The following P4HA1 variants were observed in gnomAD, a reference collection of about 807,000 sequenced individuals.
P4HA1 encodes prolyl 4-hydroxylase subunit alpha-1.
In P4HA1, 24 loss-of-function variants were observed where a neutral mutation model predicts 72.8. The ratio of observed to expected loss-of-function variants is 0.33; its 90% confidence interval spans 0.24 to 0.46. The LOEUF (loss-of-function observed/expected upper bound fraction) is 0.46, where lower values mean the gene tolerates loss of function less well. Among genes scored for constraint, P4HA1 ranks in the 20% least tolerant of loss-of-function variants. The probability of loss-of-function intolerance (pLI) is 1.00; values close to 1 mark genes in which losing one functional copy is unlikely to be tolerated. For missense variants in P4HA1, 446 were observed against 640.6 expected, an observed-to-expected ratio of 0.70 and a Z score of 3.28; for synonymous variants, 201 against 218.8, an observed-to-expected ratio of 0.92 and a Z score of 0.72.
chr10:73,080,847 G>A (rs1451681198), intron 1 of P4HA1, among the ~76,000 whole-genome samples: 2 of 152,188 alleles, frequency 1.3e-5, no homozygotes, highest in Non-Finnish European at 2.9e-5. Context: ...AGAATCACTT[G>A]AACCCGGGAG....
At chr10:73,047,187 C>T in intron 7 of P4HA1, 86 bp from the exon 8 acceptor site, 1 of 950,024 alleles carries the variant, frequency 1.1e-6, no homozygotes, top group South Asian at 1.5e-5. Context: ...AGACAATAAT[C>T]ATGCTTGCAT....
chr10:73,044,876 T>A, intron 9 of P4HA1, 105 bp downstream of exon 9: 1 of 829,788 alleles, frequency 1.2e-6, no homozygotes, highest in Admixed American at 2.2e-5. Context: ...GGTGGTGACT[T>A]GAGCTGGTGA....
At position 73,007,669 on chromosome 10, in the gene P4HA1, T is replaced by C. The variant is rs1839822903; in HGVS notation, c.*553A>G. Reference sequence around the variant, plus strand: ...AAGAAAAGAGAGGGGGTTGGTAAAATACAGTATACTTTCTTTAAAAAAGAC... The same window carrying C: ...AAGAAAAGAGAGGGGGTTGGTAAAACACAGTATACTTTCTTTAAAAAAGAC... On this transcript the variant is annotated 3_prime_UTR_variant, in exon 15 of 15. Coordinates refer to ENST00000394890, the MANE Select transcript of P4HA1 (RefSeq NM_001017962.3). The C allele has an allele frequency of 6.6e-6, 1 of 150,758 alleles. No homozygotes were observed. The highest frequency in any genetic ancestry group is 2.4e-5 in the African/African-American group (1 of 41,072). The allele number at this position is 150,758 out of a possible 1,614,324, so 9.3% of individuals were successfully genotyped here. A position where few individuals can be genotyped will look rare whatever the true frequency, so the allele number is the denominator to read the frequency against.
chr10:73,036,872 C>A (rs2133072240), intron 9 of P4HA1, among the ~76,000 whole-genome samples: 1 of 152,180 alleles, frequency 6.6e-6, no homozygotes, highest in South Asian at 2.1e-4. Flanking sequence ...TCAGTGGAGA[C>A]CATTATACTG....
In P4HA1 at chr10:73,053,599, A is replaced by G; in HGVS notation, c.464-9T>C. The G allele has an allele frequency of 1.2e-6, 2 of 1,611,278 alleles. No individual in the cohort carries two copies. Among genetic ancestry groups the G allele is most frequent in the Non-Finnish European group, 1.7e-6 (2 of 1,178,732 alleles). On this transcript the variant is annotated splice_polypyrimidine_tract_variant and intron_variant, in intron 5 of 14. Coordinates refer to ENST00000394890, the MANE Select transcript of P4HA1 (RefSeq NM_001017962.3). Reference sequence around the variant, plus strand: ...AGATTTGTGTTTCACTCCTATGAAAAGAAAATACAGAGAACTTTAGGAATC... The same window carrying G: ...AGATTTGTGTTTCACTCCTATGAAAGGAAAATACAGAGAACTTTAGGAATC...
intron 9 of P4HA1, among the ~76,000 whole-genome samples, chr10:73,035,247 A>C (rs1200249536): frequency 1.3e-5 from 2 of 152,112 alleles, no homozygotes; most frequent in African/African-American, 4.8e-5. Context: ...GAAAAAAAAA[A>C]AAAATCTAAT....
chr10:73,033,690 A>C (rs999354182), intron 9 of P4HA1, among the ~76,000 whole-genome samples: 1 of 152,226 alleles, frequency 6.6e-6, no homozygotes, highest in Non-Finnish European at 1.5e-5. Flanking sequence ...CAAAGAAAGA[A>C]GCTGGACCTC....
intron 1 of P4HA1, among the ~76,000 whole-genome samples, chr10:73,078,692 ACCT>A (rs1841759292): frequency 7.0e-6 from 1 of 142,884 alleles, no homozygotes; most frequent in African/African-American, 2.7e-5. Flanking sequence ...GCTCACTGCA[ACCT>A]CCGCCTCCCG....
chr10:73,085,428 G>C (rs561817130), intron 1 of P4HA1, among the ~76,000 whole-genome samples: 3 of 151,348 alleles, frequency 2.0e-5, no homozygotes, highest in African/African-American at 7.3e-5. Context: ...TTGTTGCCCA[G>C]GCTGGAGTGC....
intron 9 of P4HA1, among the ~76,000 whole-genome samples, chr10:73,042,338 A>G (rs7921747): frequency 0.99 from 151,186 of 152,308 alleles, 75,033 homozygotes; most frequent in East Asian, 1. Context: ...CTGAATCAAC[A>G]CATTCGGTCC....
intron 1 of P4HA1, among the ~76,000 whole-genome samples, chr10:73,087,201 A>G (rs758679063): frequency 7.3e-5 from 11 of 151,548 alleles, no homozygotes; most frequent in Admixed American, 2.0e-4. Flanking sequence ...CACAATAGAC[A>G]TATAGTACTA....
chr10:73,074,772 C>G (rs750773912), intron 2 of P4HA1, 36 bp downstream of exon 2: 1 of 1,133,462 alleles, frequency 8.8e-7, no homozygotes, highest in Admixed American at 1.8e-5. Flanking sequence ...TTAAAAAATG[C>G]AAAACCAACA....
intron 10 of P4HA1, among the ~76,000 whole-genome samples, chr10:73,023,028 A>G (rs1469157977): frequency 1.3e-5 from 2 of 152,202 alleles, no homozygotes; most frequent in African/African-American, 4.8e-5. Flanking sequence ...ATTGGTGTAC[A>G]CCTGAAAGTG....
intron 1 of P4HA1, among the ~76,000 whole-genome samples, chr10:73,092,311 T>G (rs1802918814): frequency 6.6e-6 from 1 of 151,746 alleles, no homozygotes; most frequent in African/African-American, 2.4e-5. Context: ...TCCTACAGTC[T>G]ACTGGCCATA....
rs1192879882 is a variant in P4HA1, at chr10:73,051,184, C to G, written c.769G>C (p.Asp257His). ...TCATCTGAAGCAGACTTATTGACATCTTTTTCTTTAGCCATTATATACTCA... is the reference window on the plus strand; with the variant it reads ...TCATCTGAAGCAGACTTATTGACATGTTTTTCTTTAGCCATTATATACTCA... ...YFEYIMAKEK[D>H]VNKSASDDQS... The change falls in exon 7 of 15, where the codon GAT (aspartate) becomes CAT (histidine). Residue 257 changes from aspartate to histidine, a missense_variant. Physicochemically the swap from Asp to His is moderately conservative, Grantham distance 81. Transcript: ENST00000394890. The G allele has an allele frequency of 1.2e-6, 2 of 1,609,776 alleles. No homozygotes were observed. Among genetic ancestry groups the G allele is most frequent in the South Asian group, 2.2e-5 (2 of 90,998 alleles).
At chr10:73,032,209 A>C (rs1840448251) in intron 9 of P4HA1, among the ~76,000 whole-genome samples, 1 of 152,216 alleles carries the variant, frequency 6.6e-6, no homozygotes, top group Middle Eastern at 3.2e-3. Context: ...ACAATTAAAA[A>C]TGATTTCCCC....
intron 10 of P4HA1, among the ~76,000 whole-genome samples, chr10:73,018,426 GGA>G (rs898271097): frequency 6.6e-5 from 10 of 152,166 alleles, no homozygotes; most frequent in Non-Finnish European, 5.9e-5. Context: ...CTGCTTCCCT[GGA>G]GAGTCTGCGC....
At chr10:73,037,565 ATATATATTT>A (rs1256180657) in intron 9 of P4HA1, among the ~76,000 whole-genome samples, 58 of 32,050 alleles carry the variant, frequency 1.8e-3, no homozygotes, top group African/African-American at 4.0e-3. Context: ...ATATATATAT[ATATATATTT>A]TTTTTTTTTT....
chr10:73,074,685 G>T (rs954940552), intron 2 of P4HA1, 123 bp downstream of exon 2: 2 of 605,920 alleles, frequency 3.3e-6, no homozygotes, highest in African/African-American at 1.9e-5. Context: ...GACCTTTTAG[G>T]GGGCAGGGAA....
Sources: gnomAD v4.1 joint callset for allele counts (sites outside exome capture counted in the v4.1 genomes callset) on GRCh38, gnomAD v4.1.1 for gene constraint, MANE v1.5 for transcripts, NCBI Gene and HGNC (gene_info 2026-07-23, HGNC 2026-07-21) for gene names.